Variants in RNF220 observed in about 807,000 individuals in gnomAD.
RNF220 encodes ring finger protein 220.
In RNF220, 7 loss-of-function variants were observed where a neutral mutation model predicts 67.1. The observed-to-expected ratio is 0.10, with a 90% CI of 0.06 to 0.20. RNF220 has a LOEUF of 0.20. Among genes scored for constraint, RNF220 ranks in the 10% least tolerant of loss-of-function variants. The probability of loss-of-function intolerance (pLI) is 1.00; values close to 1 mark genes in which losing one functional copy is unlikely to be tolerated. For missense variants in RNF220, 565 were observed against 740.3 expected (o/e 0.76, Z 2.75); for synonymous variants, 270 against 283.2 (o/e 0.95, Z 0.47).
chr1:44,615,235 G>A (rs1263168815), intron 3 of RNF220, among the ~76,000 whole-genome samples: 1 of 152,188 alleles, frequency 6.6e-6, no homozygotes, highest in Non-Finnish European at 1.5e-5. Context: ...TCCAGCCAAC[G>A]AGATGGAAGC....
At chr1:44,527,217 A>G (rs900423153) in intron 2 of RNF220, among the ~76,000 whole-genome samples, 2 of 152,012 alleles carry the variant, frequency 1.3e-5, no homozygotes, top group Non-Finnish European at 2.9e-5. Context: ...CAGACTCAAC[A>G]TATTCAATAC....
chr1:44,440,234 C>T (rs1006227401), intron 2 of RNF220, among the ~76,000 whole-genome samples: 1 of 152,224 alleles, frequency 6.6e-6, no homozygotes, highest in Non-Finnish European at 1.5e-5. Flanking sequence ...TGACTAGTGG[C>T]TACTATATTG....
chr1:44,573,987 G>A (rs1462559974), intron 2 of RNF220, among the ~76,000 whole-genome samples: 1 of 152,110 alleles, frequency 6.6e-6, no homozygotes, highest in African/African-American at 2.4e-5. Flanking sequence ...GCGTGGTGGT[G>A]CACACCTGTA....
At chr1:44,530,503 A>G (rs1660750680) in intron 2 of RNF220, among the ~76,000 whole-genome samples, 1 of 149,172 alleles carries the variant, frequency 6.7e-6, no homozygotes, top group South Asian at 2.1e-4. Context: ...CAACATTGTG[A>G]TAATGCACTT....
chr1:44,519,578 A>C (rs922166435), intron 2 of RNF220, among the ~76,000 whole-genome samples: 12 of 152,222 alleles, frequency 7.9e-5, no homozygotes, highest in African/African-American at 4.8e-5. Flanking sequence ...CAGCAGCAAA[A>C]GAAAGAAAAG....
At chr1:44,631,863 G>A (rs1644136193) in intron 5 of RNF220, 2 of 977,002 alleles carry the variant, frequency 2.0e-6, no homozygotes, top group Admixed American at 6.2e-5. Context: ...GCTTCTGCCG[G>A]TTGCTACCCG....
Position 44,535,348 on chromosome 1 carries a change from C to T in RNF220, c.626-78817C>T, listed in dbSNP as rs146811422. 5.1e-3 allele frequency among the ~76,000 whole-genome samples: 778 copies of T among 152,090 alleles called. 4 individuals are homozygous for T. The highest frequency in any genetic ancestry group is 0.018 in the African/African-American group (742 of 41,504). The stretch of plus-strand genomic sequence containing the variant: ...TAGAAACGGGGTTTCACCATATTGG[C>T]CAGGCTGGTCTCGAACTCCTGACCT... On this transcript the variant is annotated intron_variant, in intron 2 of 14. Transcript: ENST00000361799.
chr1:44,531,402 C>T (rs566939119), intron 2 of RNF220, among the ~76,000 whole-genome samples: 1 of 152,184 alleles, frequency 6.6e-6, no homozygotes, highest in South Asian at 2.1e-4. Flanking sequence ...TTATTCAAAA[C>T]TCAGCTCCAG....
chr1:44,416,003 G>T (rs754872959), intron 2 of RNF220, among the ~76,000 whole-genome samples: 2 of 148,376 alleles, frequency 1.3e-5, no homozygotes, highest in Non-Finnish European at 1.5e-5. Context: ...GAAATATAGC[G>T]ATTTGGGTCA....
intron 2 of RNF220, among the ~76,000 whole-genome samples, chr1:44,534,546 C>G (rs1661061165): frequency 6.6e-6 from 1 of 152,158 alleles, no homozygotes; most frequent in Non-Finnish European, 1.5e-5. Context: ...TTCTTCACTG[C>G]TGGACTTTGA....
Position 44,645,720 on chromosome 1 carries a change from CGCCTGCCT to C in RNF220, c.1445+244_1445+251del, listed in dbSNP as rs1009751098. On this transcript the variant is annotated intron_variant, in intron 12 of 14. Coordinates refer to ENST00000361799, the MANE Select transcript of RNF220 (RefSeq NM_018150.4). This position sits in a 1 kb window ranked among gnomAD's most constrained non-coding sequence, Gnocchi z 5.0. ...TTGGCGGTGGGAGGAGCAGTCCACC[CGCCTGCCT>C]GCCTGCCTGCCCGCCTGCTGCGGCG... Among the ~76,000 whole-genome samples the C allele has an allele frequency of 6.6e-6, 1 of 152,164 alleles. No homozygotes were observed. Among genetic ancestry groups the C allele is most frequent in the South Asian group, 2.1e-4 (1 of 4,830 alleles).
At chr1:44,413,136 T>C (rs1388916673) in intron 2 of RNF220, among the ~76,000 whole-genome samples, 1 of 152,206 alleles carries the variant, frequency 6.6e-6, no homozygotes, top group Non-Finnish European at 1.5e-5. Context: ...ATCTCAGTGT[T>C]ATTTTTTAGC....
intron 2 of RNF220, among the ~76,000 whole-genome samples, chr1:44,448,171 C>T (rs1423595534): frequency 2.6e-5 from 4 of 152,088 alleles, no homozygotes; most frequent in African/African-American, 7.2e-5. Context: ...TGGTGGTGTG[C>T]GCTTGTAATC....
At chr1:44,466,509 C>G (rs1654284752) in intron 2 of RNF220, among the ~76,000 whole-genome samples, 1 of 152,192 alleles carries the variant, frequency 6.6e-6, no homozygotes, top group Non-Finnish European at 1.5e-5. Flanking sequence ...TTGCCCAGAT[C>G]CATCGGAGGA....
chr1:44,480,214 G>A (rs1324869740), intron 2 of RNF220, among the ~76,000 whole-genome samples: 1 of 152,134 alleles, frequency 6.6e-6, no homozygotes, highest in Non-Finnish European at 1.5e-5. Flanking sequence ...GACCAGCCTG[G>A]CCAACATGGT....
rs1653012182 is a variant in RNF220, at chr1:44,454,727, C to G, written c.625+42005C>G. ...TAAAAACCCTTTACAGTGTACAGTT[C>G]TGTGAGTTTTGACAAATACATATAA... On this transcript the variant is annotated intron_variant, in intron 2 of 14. Coordinates refer to ENST00000361799, the MANE Select transcript of RNF220 (RefSeq NM_018150.4). Among the ~76,000 whole-genome samples the G allele has an allele frequency of 2.0e-5, 3 of 151,434 alleles. No individual in the cohort carries two copies. The South Asian group carries it at 6.2e-4, about 32-fold the overall frequency.
At chr1:44,452,403 A>C (rs1457967525) in intron 2 of RNF220, among the ~76,000 whole-genome samples, 4 of 151,896 alleles carry the variant, frequency 2.6e-5, no homozygotes, top group African/African-American at 9.7e-5. Context: ...AAAATACAAA[A>C]ATTAGCCGGG....
chr1:44,632,405 T>TTC lies in RNF220; in HGVS notation c.949+20_949+21insTC. 3.6e-6 allele frequency: 4 copies of TTC among 1,104,970 alleles called. No homozygotes were observed. The highest frequency in any genetic ancestry group is 2.9e-5 in the Admixed American group (1 of 34,888). The allele number at this position is 1,104,970 out of a possible 1,614,324, so 68.4% of individuals were successfully genotyped here. A position where few individuals can be genotyped will look rare whatever the true frequency, so the allele number is the denominator to read the frequency against. On this transcript the variant is annotated intron_variant, in intron 6 of 14. Transcript: ENST00000361799. ...TGAATGGTGAGTCCTGCCCGGCCCC[T>TTC]CCCTCCGCCCCACCCCCGGCCTCCT... is the stretch of plus-strand genomic sequence containing the variant.
intron 2 of RNF220, among the ~76,000 whole-genome samples, chr1:44,601,810 T>A (rs1666943089): frequency 6.6e-6 from 1 of 152,140 alleles, no homozygotes; most frequent in Non-Finnish European, 1.5e-5. Context: ...GGTGCTGAGA[T>A]TGGAAACTGT....
Sources: allele counts gnomAD v4.1 joint callset (sites outside exome capture counted in the v4.1 genomes callset), GRCh38; gene constraint gnomAD v4.1.1; non-coding constraint Gnocchi (gnomAD v3.1); transcripts MANE v1.5; gene names NCBI Gene and HGNC (gene_info 2026-07-23, HGNC 2026-07-21).